ARHGAP24: variants seen among roughly 807,000 people sequenced by gnomAD.
ARHGAP24 encodes rho GTPase-activating protein 24.
In ARHGAP24, 50 loss-of-function variants were observed where a neutral mutation model predicts 76.4. The ratio of observed to expected loss-of-function variants is 0.65; its 90% confidence interval spans 0.52 to 0.83. ARHGAP24 has a LOEUF of 0.83. Ranked by LOEUF, ARHGAP24 falls within the 40% of genes least tolerant of loss-of-function variation. ARHGAP24 has a pLI of 0.00. For missense variants in ARHGAP24, 930 were observed against 914.2 expected (o/e 1.02, Z -0.22); for synonymous variants, 345 against 323.3 (o/e 1.07, Z -0.72).
chr4:85,659,858 C>G (rs1214460653), intron 2 of ARHGAP24, among the ~76,000 whole-genome samples: 1 of 152,164 alleles, frequency 6.6e-6, no homozygotes, highest in Non-Finnish European at 1.5e-5. Context: ...CCACACACTT[C>G]CCCAAGCAGC....
At chr4:85,553,723 G>A (rs1726241123) in intron 1 of ARHGAP24, among the ~76,000 whole-genome samples, 1 of 152,190 alleles carries the variant, frequency 6.6e-6, no homozygotes, top group African/African-American at 2.4e-5. Flanking sequence ...TGTGAGATGA[G>A]TCTCTAGAAG....
intron 5 of ARHGAP24, among the ~76,000 whole-genome samples, chr4:85,951,162 A>G (rs1737593784): frequency 6.6e-6 from 1 of 152,156 alleles, no homozygotes; most frequent in Non-Finnish European, 1.5e-5. Context: ...AAAATCCTGG[A>G]TTCTGCTGAT....
chr4:85,521,203 A>G (rs1388069633), intron 1 of ARHGAP24, among the ~76,000 whole-genome samples: 2 of 152,080 alleles, frequency 1.3e-5, no homozygotes, highest in Non-Finnish European at 1.5e-5. Flanking sequence ...TTGAAATAGC[A>G]TGTTGTTTCA....
intron 7 of ARHGAP24, 49 bp from the exon 8 acceptor site, chr4:85,977,521 T>G: frequency 6.2e-7 from 1 of 1,601,454 alleles, no homozygotes; most frequent in Non-Finnish European, 8.5e-7. Context: ...TTTCTTCCAC[T>G]GGCAAATTTG....
chr4:85,654,991 T>C (rs1289040038), intron 2 of ARHGAP24, among the ~76,000 whole-genome samples: 1 of 152,214 alleles, frequency 6.6e-6, no homozygotes, highest in African/African-American at 2.4e-5. Flanking sequence ...TTATAAGATA[T>C]TCTGTTTTTA....
intron 3 of ARHGAP24, among the ~76,000 whole-genome samples, chr4:85,913,009 G>A (rs1480121140): frequency 6.6e-6 from 1 of 152,064 alleles, no homozygotes; most frequent in Non-Finnish European, 1.5e-5. Flanking sequence ...TTATGGATGA[G>A]TCTTTAAACC....
At chr4:85,879,909 G>C (rs960931557) in intron 3 of ARHGAP24, among the ~76,000 whole-genome samples, 2 of 151,986 alleles carry the variant, frequency 1.3e-5, no homozygotes, top group Non-Finnish European at 2.9e-5. Context: ...TTCTCATAAG[G>C]AGCAGGCAAC....
intron 3 of ARHGAP24, among the ~76,000 whole-genome samples, chr4:85,734,317 A>G (rs1382049537): frequency 6.6e-6 from 1 of 152,216 alleles, no homozygotes; most frequent in East Asian, 1.9e-4. Flanking sequence ...CCCAAAGGAA[A>G]TACATTGGAC....
intron 4 of ARHGAP24, chr4:85,931,170 T>C (rs942087101): frequency 6.5e-6 from 6 of 929,470 alleles, no homozygotes; most frequent in African/African-American, 3.4e-5. Flanking sequence ...ACAAGAGTGA[T>C]TTGTGCGTAT....
intron 5 of ARHGAP24, among the ~76,000 whole-genome samples, chr4:85,968,619 C>T (rs1308966845): frequency 2.0e-5 from 3 of 152,040 alleles, no homozygotes; most frequent in Admixed American, 1.3e-4. Context: ...CCAGACTTCC[C>T]CATTGCAATA....
At position 85,511,310 on chromosome 4, in the gene ARHGAP24, A is replaced by C. The variant is rs1311959159; in HGVS notation, c.-21+35751A>C. On this transcript the variant is annotated intron_variant, in intron 1 of 9. Transcript: ENST00000395184. ...TAATTAAATGTTTCTTTAACGATCTAGGAAAGACTTTCAACTGATGTGCCC... is the reference window on the plus strand; with the variant it reads ...TAATTAAATGTTTCTTTAACGATCTCGGAAAGACTTTCAACTGATGTGCCC... Among the ~76,000 whole-genome samples, 4 of 152,158 alleles carry C rather than the reference A, an allele frequency of 2.6e-5. No individual in the cohort carries two copies. The East Asian group carries it at 7.7e-4, about 29-fold the overall frequency.
At chr4:85,847,675 T>G (rs1276002480) in intron 3 of ARHGAP24, among the ~76,000 whole-genome samples, 1 of 152,172 alleles carries the variant, frequency 6.6e-6, no homozygotes, top group African/African-American at 2.4e-5. Flanking sequence ...TTTGAGGAAC[T>G]GCAAGGTGAT....
chr4:85,524,791 T>TTAC lies in ARHGAP24; in HGVS notation c.-20-45729_-20-45727dup, dbSNP rs10659591. On this transcript the variant is annotated intron_variant, in intron 1 of 9. Transcript: ENST00000395184. ...GCCTCTGTGCAGTGAGCAACCTGAA[T>TTAC]TACTGTAACTGGTGGCCTAGGTGAT... Among the ~76,000 whole-genome samples the TTAC allele has an allele frequency of 7.9e-3, 1,198 of 152,298 alleles. 17 individuals carry two copies. The highest frequency in any genetic ancestry group is 0.027 in the African/African-American group (1,129 of 41,570).
At chr4:85,886,172 G>A (rs541184106) in intron 3 of ARHGAP24, among the ~76,000 whole-genome samples, 3 of 152,162 alleles carry the variant, frequency 2.0e-5, no homozygotes, top group Admixed American at 2.0e-4. Flanking sequence ...CAAACCATGT[G>A]TTTAGCAAAA....
intron 4 of ARHGAP24, among the ~76,000 whole-genome samples, chr4:85,933,256 C>T (rs1429928514): frequency 6.6e-6 from 1 of 152,122 alleles, no homozygotes; most frequent in Non-Finnish European, 1.5e-5. Flanking sequence ...GGCTACTTTT[C>T]CTGATCCACA....
Position 85,570,606 on chromosome 4 carries a change from A to G in ARHGAP24, c.65A>G (p.Lys22Arg), listed in dbSNP as rs1326958379. 1.2e-6 allele frequency: 2 copies of G among 1,613,980 alleles called. No homozygotes were observed. Among genetic ancestry groups the G allele is most frequent in the Non-Finnish European group, 1.7e-6 (2 of 1,180,026 alleles). The change falls in exon 2 of 10, where the codon AAG becomes AGG. Residue 22 changes from lysine (K) to arginine (R), a missense_variant. Transcript: ENST00000395184. ...QQGQGRQNAI[K>R]CGWLRKQGGF... ...GGCCAAGGGCGGCAGAATGCCATCA[A>G]GTGTGGGTGGCTGAGGAAGCAAGGA...
chr4:85,690,703 C>G (rs796261270), intron 2 of ARHGAP24, among the ~76,000 whole-genome samples: 37 of 147,628 alleles, frequency 2.5e-4, no homozygotes, highest in Middle Eastern at 7.1e-3. Flanking sequence ...CTCACCCATG[C>G]CCACTCCCCC....
intron 2 of ARHGAP24, among the ~76,000 whole-genome samples, chr4:85,633,021 A>G (rs1391118338): frequency 1.3e-4 from 20 of 151,614 alleles, no homozygotes; most frequent in Admixed American, 1.3e-3. Context: ...ACATAATAAC[A>G]TTGTTGTCTA....
intron 5 of ARHGAP24, among the ~76,000 whole-genome samples, chr4:85,957,621 A>C (rs142271039): frequency 6.6e-6 from 1 of 152,220 alleles, no homozygotes; most frequent in African/African-American, 2.4e-5. Context: ...AATAACCCAC[A>C]CTTTGGGAAA....
Sources: gnomAD v4.1 joint callset for allele counts (sites outside exome capture counted in the v4.1 genomes callset) on GRCh38, gnomAD v4.1.1 for gene constraint, MANE v1.5 for transcripts, NCBI Gene and HGNC (gene_info 2026-07-23, HGNC 2026-07-21) for gene names.